The following DHRSX variants were observed in gnomAD, a reference collection of about 807,000 sequenced individuals.
DHRSX encodes the protein polyprenol dehydrogenase.
Under a neutral mutation model 34.0 loss-of-function variants are expected in DHRSX, and 31 were observed. The ratio of observed to expected loss-of-function variants is 0.91; its 90% CI spans 0.69 to 1.23. The LOEUF is 1.23. Ranked by LOEUF, DHRSX falls within the 50% of genes most tolerant of loss-of-function variation. The probability of loss-of-function intolerance (pLI) is 0.00; values close to 1 mark genes in which losing one functional copy is unlikely to be tolerated. For missense variants in DHRSX, 414 were observed against 428.1 expected, an observed-to-expected ratio of 0.97 and a Z score of 0.29; for synonymous variants, 201 against 183.8, an observed-to-expected ratio of 1.09 and a Z score of -0.76.
At chrX:2,310,528 C>CTGTG (rs34128259) in intron 3 of DHRSX, among the ~76,000 whole-genome samples, 243 of 149,344 alleles carry the variant, frequency 1.6e-3, no homozygotes, top group Non-Finnish European at 2.5e-3. Flanking sequence ...CGAGATTATT[C>CTGTG]TGTGTGTGTG....
At chrX:2,309,256 C>T (rs979362039) in intron 3 of DHRSX, among the ~76,000 whole-genome samples, 17 of 151,902 alleles carry the variant, frequency 1.1e-4, no homozygotes, top group African/African-American at 4.1e-4. Context: ...CAGATAAGTG[C>T]CCTGATACTG....
chrX:2,307,789 T>TAAA (rs747096554), intron 3 of DHRSX, among the ~76,000 whole-genome samples: 2 of 103,644 alleles, frequency 1.9e-5, no homozygotes, highest in African/African-American at 3.3e-5. Flanking sequence ...GTAATAAAAA[T>TAAA]AAAAAAAATA....
At chrX:2,489,103 C>T (rs780108585) in intron 1 of DHRSX, 23 of 1,613,430 alleles carry the variant, frequency 1.4e-5, no homozygotes, top group East Asian at 4.5e-5. Flanking sequence ...CGCTGGCGGG[C>T]GGCGGCGTGG....
At chrX:2,222,884 C>T (rs1165401867) in intron 6 of DHRSX, among the ~76,000 whole-genome samples, 2 of 152,168 alleles carry the variant, frequency 1.3e-5, no homozygotes, top group Non-Finnish European at 1.5e-5. Flanking sequence ...AGTGTGCCCA[C>T]CAGCCCATCC....
intron 2 of DHRSX, among the ~76,000 whole-genome samples, chrX:2,417,494 T>C (rs1417221174): frequency 6.6e-6 from 1 of 152,028 alleles, no homozygotes; most frequent in Non-Finnish European, 1.5e-5. Flanking sequence ...AACTAGACCT[T>C]ATCATGACCT....
chrX:2,499,216 G>A (rs770359818), intron 1 of DHRSX, among the ~76,000 whole-genome samples: 106 of 152,220 alleles, frequency 7.0e-4, no homozygotes, highest in African/African-American at 2.5e-3. Context: ...GTCTCCCAGA[G>A]GCGTGCAGTA....
intron 3 of DHRSX, among the ~76,000 whole-genome samples, chrX:2,405,746 G>C (rs951598018): frequency 3.9e-5 from 6 of 151,942 alleles, no homozygotes. Flanking sequence ...GCAGTGAGCC[G>C]AGATAACACC....
chrX:2,244,710 ATTTTT>A (rs1778739662), intron 5 of DHRSX, among the ~76,000 whole-genome samples: 1 of 150,790 alleles, frequency 6.6e-6, no homozygotes, highest in Non-Finnish European at 1.5e-5. Flanking sequence ...TTTAAATTTT[ATTTTT>A]ATTTATTTAT....
intron 1 of DHRSX, among the ~76,000 whole-genome samples, chrX:2,456,758 A>G (rs1454520651): frequency 6.6e-6 from 1 of 152,036 alleles, no homozygotes; most frequent in African/African-American, 2.4e-5. Context: ...AGTCTACACG[A>G]ATATAAAGAA....
At chrX:2,268,820 T>C (rs1041458615) in intron 4 of DHRSX, among the ~76,000 whole-genome samples, 1 of 152,250 alleles carries the variant, frequency 6.6e-6, no homozygotes, top group African/African-American at 2.4e-5. Context: ...ACAGCATTTG[T>C]CATTATTTGT....
chrX:2,256,690 A>G (rs1247870525), intron 5 of DHRSX, among the ~76,000 whole-genome samples: 1 of 152,196 alleles, frequency 6.6e-6, no homozygotes, highest in Non-Finnish European at 1.5e-5. Flanking sequence ...ATTCCTTTAC[A>G]AGAACGCTAA....
chrX:2,258,301 A>G (rs62595497), intron 5 of DHRSX, among the ~76,000 whole-genome samples: 39,912 of 149,690 alleles, frequency 0.27, 7,043 homozygotes, highest in African/African-American at 0.49. Context: ...GAGGACACAG[A>G]GAGAAGATGG....
At chrX:2,401,442 G>A (rs1237169156) in intron 3 of DHRSX, among the ~76,000 whole-genome samples, 1 of 152,178 alleles carries the variant, frequency 6.6e-6, no homozygotes, top group South Asian at 2.1e-4. Flanking sequence ...GATGCTGTTT[G>A]TGATTAAAGT....
At chrX:2,236,837 A>G (rs111867812) in intron 6 of DHRSX, among the ~76,000 whole-genome samples, 3,880 of 151,148 alleles carry the variant, frequency 0.026, 183 homozygotes, top group African/African-American at 0.089. Context: ...GACAGTCCCC[A>G]GGGGAAATAG....
intron 1 of DHRSX, among the ~76,000 whole-genome samples, chrX:2,459,370 T>C (rs994929445): frequency 1.3e-5 from 2 of 151,830 alleles, no homozygotes; most frequent in Non-Finnish European, 2.9e-5. Context: ...TTAATTAGCT[T>C]GATTGTTAAT....
chrX:2,345,474 C>T (rs1352805013), intron 3 of DHRSX, among the ~76,000 whole-genome samples: 1 of 151,668 alleles, frequency 6.6e-6, no homozygotes, highest in East Asian at 1.9e-4. Context: ...GAAACCTTGT[C>T]TCTACCAAAA....
intron 3 of DHRSX, among the ~76,000 whole-genome samples, chrX:2,297,976 A>T (rs185964199): frequency 1.5e-3 from 229 of 151,918 alleles, no homozygotes; most frequent in Admixed American, 2.5e-3. Context: ...GGCTGGTCTC[A>T]AACTCCTGAC....
intron 1 of DHRSX, among the ~76,000 whole-genome samples, chrX:2,493,645 C>T (rs1482426404): frequency 6.6e-6 from 1 of 151,708 alleles, no homozygotes; most frequent in East Asian, 1.9e-4. Flanking sequence ...TATTATTAGG[C>T]TGAAAAAGGT....
intron 6 of DHRSX, among the ~76,000 whole-genome samples, chrX:2,229,321 C>A (rs2015810123): frequency 6.6e-6 from 1 of 151,942 alleles, no homozygotes. Context: ...AGACTTCTGC[C>A]CAGGCTCAGC....
Sources: gnomAD v4.1 joint callset for allele counts (sites outside exome capture counted in the v4.1 genomes callset) on GRCh38, gnomAD v4.1.1 for gene constraint, MANE v1.5 for transcripts, NCBI Gene and HGNC (gene_info 2026-07-23, HGNC 2026-07-21) for gene names.